Variants in VPS37A observed in about 807,000 individuals in gnomAD.
VPS37A encodes the protein vacuolar protein sorting-associated protein 37A.
A neutral mutation model predicts 49.8 loss-of-function variants in VPS37A; 30 were observed. The ratio of observed to expected loss-of-function variants is 0.60; its 90% confidence interval spans 0.45 to 0.82. VPS37A has a LOEUF of 0.82. Among genes scored for constraint, VPS37A ranks in the 40% least tolerant of loss-of-function variants. The probability of loss-of-function intolerance (pLI) is 0.00; values close to 1 mark genes in which losing one functional copy is unlikely to be tolerated. For missense variants in VPS37A, 593 were observed against 464.4 expected, an observed-to-expected ratio of 1.28 and a Z score of -2.55; for synonymous variants, 195 against 160.6, an observed-to-expected ratio of 1.21 and a Z score of -1.62.
chr8:17,323,975 A>G, the VPS37A span, among the ~76,000 whole-genome samples: 2 of 152,202 alleles, frequency 1.3e-5, no homozygotes, highest in Non-Finnish European at 2.9e-5. Context: ...GCAAAATAAA[A>G]CATCGCTGAG....
At chr8:17,252,359 A>G (rs2150346397) in intron 1 of VPS37A, among the ~76,000 whole-genome samples, 1 of 151,922 alleles carries the variant, frequency 6.6e-6, no homozygotes, top group Non-Finnish European at 1.5e-5. Context: ...TTGTTTTGGT[A>G]GAGATGGGGT....
chr8:17,282,601 G>T (rs1815181778), intron 9 of VPS37A, among the ~76,000 whole-genome samples: 1 of 151,998 alleles, frequency 6.6e-6, no homozygotes, highest in Non-Finnish European at 1.5e-5. Flanking sequence ...TAATGCCAGT[G>T]GTCTATTGGA....
chr8:17,279,698 A>C (rs1331796371), intron 6 of VPS37A: 2 of 423,930 alleles, frequency 4.7e-6, no homozygotes, highest in Admixed American at 2.8e-5. Flanking sequence ...ACCTGAGTTA[A>C]GTTGACTTTA....
Position 17,280,143 on chromosome 8 carries a change from G to C in VPS37A, c.829G>C (p.Glu277Gln). The change falls in exon 7 of 12, where the codon GAG becomes CAG. Residue 277 changes from glutamate (E) to glutamine (Q), a missense_variant. Glu to Gln is a conservative substitution (Grantham distance 29). Coordinates refer to ENST00000324849, the MANE Select transcript of VPS37A (RefSeq NM_152415.3). The stretch of plus-strand genomic sequence containing the variant: ...CAAAGATGACTTAGTAAAAAGTATT[G>C]AGGAACTAGCAAGTATGTTTTCCCT... Reference protein sequence around the residue: ...TDKDDLVKSIEELARKNLLLE... With the variant: ...TDKDDLVKSIQELARKNLLLE... The C allele has an allele frequency of 6.2e-7, 1 of 1,612,548 alleles. No individual in the cohort carries two copies. Among genetic ancestry groups the C allele is most frequent in the Non-Finnish European group, 8.5e-7 (1 of 1,179,218 alleles).
chr8:17,293,473 A>G (rs1482555074), intron 11 of VPS37A, among the ~76,000 whole-genome samples: 1 of 152,038 alleles, frequency 6.6e-6, no homozygotes. Flanking sequence ...CATCAAACTC[A>G]TTCTCAGTCC....
At chr8:17,301,747 C>T (rs1563311834), downstream of VPS37A, 2 of 192,248 alleles carry the variant, frequency 1.0e-5, no homozygotes, top group South Asian at 1.5e-4. Context: ...TCAGTCTCCC[C>T]TTTACCAATT....
chr8:17,286,051 T>C (rs1815555724), intron 10 of VPS37A, among the ~76,000 whole-genome samples: 1 of 152,122 alleles, frequency 6.6e-6, no homozygotes, highest in African/African-American at 2.4e-5. Flanking sequence ...AGGGAGTGGA[T>C]TATGAGAAGG....
In VPS37A at chr8:17,281,118, G is replaced by A. The variant is rs570092318; in HGVS notation, c.969+675G>A. 2.0e-5 allele frequency among the ~76,000 whole-genome samples: 3 copies of A among 152,064 alleles called. No homozygotes were observed. The South Asian group carries it at 6.2e-4, about 31-fold the overall frequency. On this transcript the variant is annotated intron_variant, in intron 9 of 11. Transcript: ENST00000324849. ...GAATATAAATTTATAATGAATTTCA[G>A]ATAATACGGTCATTTGTCAGAATAA...
At chr8:17,285,123 A>G (rs1213479524) in intron 10 of VPS37A, among the ~76,000 whole-genome samples, 1 of 152,142 alleles carries the variant, frequency 6.6e-6, no homozygotes, top group Non-Finnish European at 1.5e-5. Flanking sequence ...ACATTAGCAC[A>G]TTACTGAACT....
intron 2 of VPS37A, 101 bp downstream of exon 2, chr8:17,266,082 A>G (rs1410384191): frequency 3.1e-6 from 3 of 980,280 alleles, no homozygotes; most frequent in Non-Finnish European, 4.5e-6. Flanking sequence ...AACTTATTTC[A>G]AGTAACTATA....
intron 6 of VPS37A, among the ~76,000 whole-genome samples, chr8:17,277,912 A>G (rs572672799): frequency 3.3e-5 from 5 of 151,708 alleles, no homozygotes; most frequent in Non-Finnish European, 7.4e-5. Flanking sequence ...AGACATATAC[A>G]TATGTGTATT....
At position 17,278,897 on chromosome 8, in the gene VPS37A, A is replaced by G. The variant is rs538337657; in HGVS notation, c.714-1131A>G. Among the ~76,000 whole-genome samples the G allele has an allele frequency of 4.6e-5, 7 of 152,104 alleles. No homozygotes were observed. In the East Asian group the frequency reaches 1.4e-3, roughly 29 times the overall value. On this transcript the variant is annotated intron_variant, in intron 6 of 11. Coordinates refer to ENST00000324849, the MANE Select transcript of VPS37A (RefSeq NM_152415.3). Reference sequence around the variant, plus strand: ...TTCTTCTTTATTTTTAAATTATCCAACGTTTTTATATGGCTCCATAGTCAA... The same window carrying G: ...TTCTTCTTTATTTTTAAATTATCCAGCGTTTTTATATGGCTCCATAGTCAA...
intron 11 of VPS37A, among the ~76,000 whole-genome samples, chr8:17,291,335 A>G (rs746203331): frequency 3.4e-5 from 5 of 148,750 alleles, no homozygotes; most frequent in African/African-American, 5.0e-5. Context: ...ATCATTTTTT[A>G]TTTTGTCTAT....
chr8:17,249,025 A>T (rs1330788256), intron 1 of VPS37A, among the ~76,000 whole-genome samples: 2 of 152,196 alleles, frequency 1.3e-5, no homozygotes, highest in Non-Finnish European at 2.9e-5. Flanking sequence ...TAGACTATAT[A>T]CCAAACCAGT....
chr8:17,249,856 C>T (rs541257186), intron 1 of VPS37A, among the ~76,000 whole-genome samples: 3 of 152,128 alleles, frequency 2.0e-5, no homozygotes, highest in East Asian at 3.9e-4. Flanking sequence ...CCCCAGAGAC[C>T]GAAGGAAAAC....
the VPS37A span, among the ~76,000 whole-genome samples, chr8:17,328,739 G>A: frequency 3.3e-5 from 5 of 152,086 alleles, no homozygotes; most frequent in Admixed American, 1.3e-4. Flanking sequence ...AGAAAATACA[G>A]GGTATCCTCT....
chr8:17,248,057 G>C, intron 1 of VPS37A: 2 of 435,036 alleles, frequency 4.6e-6, no homozygotes, highest in South Asian at 4.4e-5. Flanking sequence ...GGTCAGTTTA[G>C]AAATATTTTT....
At chr8:17,312,765 G>A in the VPS37A span, among the ~76,000 whole-genome samples, 8 of 152,114 alleles carry the variant, frequency 5.3e-5, no homozygotes, top group African/African-American at 1.7e-4. Context: ...CATCAGGGAA[G>A]ATATGGTTCT....
chr8:17,283,600 GAA>G (rs1458229070), intron 9 of VPS37A, among the ~76,000 whole-genome samples: 1 of 152,126 alleles, frequency 6.6e-6, no homozygotes, highest in Non-Finnish European at 1.5e-5. Flanking sequence ...ACCATTTGTT[GAA>G]AAGATTCCTT....
Sources: allele counts gnomAD v4.1 joint callset (sites outside exome capture counted in the v4.1 genomes callset), GRCh38; gene constraint gnomAD v4.1.1; transcripts MANE v1.5; gene names NCBI Gene and HGNC (gene_info 2026-07-23, HGNC 2026-07-21).